The following SLC4A7 variants were observed in gnomAD, a reference collection of about 807,000 sequenced individuals.
SLC4A7 encodes solute carrier family 4 member 7, also known as sodium bicarbonate cotransporter 3.
SLC4A7 carries 51 observed loss-of-function variants against 137.6 expected under a neutral mutation model. The ratio of observed to expected loss-of-function variants is 0.37; its 90% CI spans 0.30 to 0.47. The LOEUF is 0.47. Among genes scored for constraint, SLC4A7 ranks in the 20% least tolerant of loss-of-function variants. The pLI, the probability that SLC4A7 is intolerant of heterozygous loss-of-function variation, is 1.00. For missense variants in SLC4A7, 1,247 were observed against 1,525.4 expected (o/e 0.82, Z 3.04); for synonymous variants, 542 against 518.6 (o/e 1.05, Z -0.61).
chr3:27,379,356 A>T lies in SLC4A7; in HGVS notation c.3591T>A (p.Ser1197Arg). Residue 1197 changes from serine (S) to arginine (R), a missense_variant and splice_region_variant, in exon 25 of 26, where the codon AGT (serine) becomes AGA (arginine). Coordinates refer to ENST00000454389, the MANE Select transcript of SLC4A7 (RefSeq NM_001321103.2). Reference sequence around the variant, plus strand: ...ATATGTTAACAATTGAGGGATCAACACTGAAGAACAAATACACTTTTTGGT... The same window carrying T: ...ATATGTTAACAATTGAGGGATCAACTCTGAAGAACAAATACACTTTTTGGT... ...LQIPVKALKY[S>R]VDPSIVNISD... 28 of 1,491,970 alleles carry T rather than the reference A, an allele frequency of 1.9e-5. No homozygotes were observed. Among genetic ancestry groups the T allele is most frequent in the Non-Finnish European group, 2.4e-5 (27 of 1,106,470 alleles). 92.4% of individuals were successfully genotyped at this position (1,491,970 alleles called of 1,614,324 possible).
At chr3:27,450,696 A>G (rs62257191) in intron 2 of SLC4A7, among the ~76,000 whole-genome samples, 19,453 of 152,122 alleles carry the variant, frequency 0.13, 1,228 homozygotes, top group Middle Eastern at 0.19. Context: ...AAAACACGCT[A>G]GAATCCAAAG....
At position 27,448,675 on chromosome 3, in the gene SLC4A7, C is replaced by CTTCTTTATCTGA; in HGVS notation, c.253_264dup (p.Ser85_Glu88dup). On this transcript the variant is annotated inframe_insertion, in exon 3 of 26. Coordinates refer to ENST00000454389, the MANE Select transcript of SLC4A7 (RefSeq NM_001321103.2). ...CCATAAGAAGGAGATTCCCGTCCAT[C>CTTCTTTATCTGA]TTCTTTATCTGATTCTTTATCTTTT... 2 of 1,612,602 alleles carry CTTCTTTATCTGA rather than the reference C, an allele frequency of 1.2e-6. No homozygotes were observed. The highest frequency in any genetic ancestry group is 1.7e-6 in the Non-Finnish European group (2 of 1,179,268).
chr3:27,401,472 T>G (rs901186648), intron 15 of SLC4A7, among the ~76,000 whole-genome samples: 2 of 152,192 alleles, frequency 1.3e-5, no homozygotes, highest in African/African-American at 4.8e-5. Context: ...AACTTTTAAA[T>G]ACGGACTTAA....
chr3:27,403,289 A>AG lies in SLC4A7; in HGVS notation c.2170dup (p.Leu724ProfsTer31). On this transcript the variant is annotated frameshift_variant, in exon 15 of 26. Transcript: ENST00000454389. LOFTEE classifies it high-confidence loss of function. ...TGTAAATCGAGTAATATAACACACA[A>AG]GGCTGCTTGCATCTGTTGCAACCAA... The AG allele has an allele frequency of 6.2e-7, 1 of 1,614,046 alleles. No individual in the cohort carries two copies. The highest frequency in any genetic ancestry group is 1.1e-5 in the South Asian group (1 of 91,082).
intron 14 of SLC4A7, 65 bp downstream of exon 14, chr3:27,404,765 C>T (rs567827437): frequency 1.5e-6 from 2 of 1,302,730 alleles, no homozygotes; most frequent in Admixed American, 4.9e-5. Context: ...TAAATAATTC[C>T]CTTCTAAGTT....
intron 2 of SLC4A7, among the ~76,000 whole-genome samples, chr3:27,449,260 T>C (rs2057900099): frequency 1.3e-5 from 2 of 151,784 alleles, no homozygotes; most frequent in African/African-American, 4.8e-5. Context: ...TGTAGACATA[T>C]ATTTATTCCA....
chr3:27,386,791 A>G (rs1014404826), intron 22 of SLC4A7, among the ~76,000 whole-genome samples: 3 of 152,152 alleles, frequency 2.0e-5, no homozygotes, highest in South Asian at 4.1e-4. Context: ...GTTAGTCCCA[A>G]TCAATGGATT....
intron 5 of SLC4A7, among the ~76,000 whole-genome samples, chr3:27,434,980 G>C (rs1373425346): frequency 6.6e-6 from 1 of 152,114 alleles, no homozygotes; most frequent in African/African-American, 2.4e-5. Context: ...ACCAAAGTCT[G>C]AAACCCATAT....
At chr3:27,436,828 T>C (rs2056776023) in intron 4 of SLC4A7, among the ~76,000 whole-genome samples, 1 of 152,108 alleles carries the variant, frequency 6.6e-6, no homozygotes. Context: ...TCTTCTAAAC[T>C]TGCAATACAC....
At chr3:27,422,975 T>G (rs1298333807) in intron 8 of SLC4A7, 1 of 311,660 alleles carries the variant, frequency 3.2e-6, no homozygotes, top group African/African-American at 2.2e-5. Flanking sequence ...TATTAATTTA[T>G]TCATTTAACA....
intron 1 of SLC4A7, among the ~76,000 whole-genome samples, chr3:27,457,269 T>C (rs901548297): frequency 1.3e-5 from 2 of 152,146 alleles, no homozygotes; most frequent in African/African-American, 4.8e-5. Context: ...AGCCATTACA[T>C]GTTAATATAC....
At chr3:27,440,493 C>T (rs1055237166) in intron 3 of SLC4A7, among the ~76,000 whole-genome samples, 5 of 151,990 alleles carry the variant, frequency 3.3e-5, no homozygotes, top group African/African-American at 7.3e-5. Context: ...TTTGGGAGGC[C>T]GAGGCAGGTG....
chr3:27,430,514 G>A (rs1231454686), intron 7 of SLC4A7, among the ~76,000 whole-genome samples: 2 of 151,066 alleles, frequency 1.3e-5, no homozygotes, highest in Non-Finnish European at 2.9e-5. Context: ...CAGTTAACTG[G>A]GAAGCTGAGG....
At chr3:27,476,036 C>T (rs751071321) in intron 1 of SLC4A7, among the ~76,000 whole-genome samples, 7 of 152,080 alleles carry the variant, frequency 4.6e-5, no homozygotes, top group Admixed American at 1.3e-4. Context: ...ATACATATAA[C>T]GGCTGACATC....
intron 1 of SLC4A7, among the ~76,000 whole-genome samples, chr3:27,461,208 GCACACACACACA>G (rs57056562): frequency 6.0e-5 from 9 of 149,880 alleles, no homozygotes; most frequent in African/African-American, 1.2e-4. Flanking sequence ...CATCCAATTA[GCACACACACACA>G]CACACACACA....
At chr3:27,422,279 A>G (rs2150308210) in intron 8 of SLC4A7, among the ~76,000 whole-genome samples, 1 of 152,264 alleles carries the variant, frequency 6.6e-6, no homozygotes, top group Non-Finnish European at 1.5e-5. Flanking sequence ...CATTAGTAGT[A>G]TTTTTGAGAC....
chr3:27,472,898 G>C (rs1051027582), intron 1 of SLC4A7, among the ~76,000 whole-genome samples: 1 of 152,162 alleles, frequency 6.6e-6, no homozygotes, highest in Non-Finnish European at 1.5e-5. Context: ...TGGCCAACAC[G>C]GTGAAACCTC....
chr3:27,437,654 A>G (rs887605587), intron 3 of SLC4A7, 128 bp from the exon 4 acceptor site: 2 of 445,978 alleles, frequency 4.5e-6, no homozygotes, highest in Non-Finnish European at 3.7e-6. Context: ...AAACTCTCTT[A>G]ATTATTGAAC....
chr3:27,477,666 G>A lies in SLC4A7; in HGVS notation c.60+6401C>T, dbSNP rs532271389. Among the ~76,000 whole-genome samples the A allele has an allele frequency of 5.9e-5, 9 of 152,138 alleles. 1 individual carries two copies. The South Asian group carries it at 1.0e-3, about 18-fold the overall frequency. Reference sequence around the variant, plus strand: ...CTCTGTTGCCCAGGAATGCAGTGGCGCGATCTTGGCTCACTGCAACCTCCA... The same window carrying A: ...CTCTGTTGCCCAGGAATGCAGTGGCACGATCTTGGCTCACTGCAACCTCCA... On this transcript the variant is annotated intron_variant, in intron 1 of 25. Coordinates refer to ENST00000454389, the MANE Select transcript of SLC4A7 (RefSeq NM_001321103.2).
Sources: allele counts gnomAD v4.1 joint callset (sites outside exome capture counted in the v4.1 genomes callset), GRCh38; gene constraint gnomAD v4.1.1; transcripts MANE v1.5; gene names NCBI Gene and HGNC (gene_info 2026-07-23, HGNC 2026-07-21).